MEIS2: variants seen among roughly 807,000 people sequenced by gnomAD.
MEIS2 encodes homeobox protein Meis2.
A neutral mutation model predicts 58.6 loss-of-function variants in MEIS2; 9 were observed. That is an observed-to-expected ratio of 0.15 (90% CI 0.09 to 0.27). The LOEUF is 0.27. Ranked by LOEUF, MEIS2 falls within the 10% of genes least tolerant of loss-of-function variation. The probability of loss-of-function intolerance (pLI) is 1.00; values close to 1 mark genes in which losing one functional copy is unlikely to be tolerated. For synonymous variants in MEIS2, 221 were observed against 228.4 expected, an observed-to-expected ratio of 0.97 and a Z score of 0.29; for missense variants, 427 against 635.0, an observed-to-expected ratio of 0.67 and a Z score of 3.52.
intron 7 of MEIS2, among the ~76,000 whole-genome samples, chr15:37,067,748 T>C (rs1358970516): frequency 6.6e-6 from 1 of 152,136 alleles, no homozygotes; most frequent in Admixed American, 6.6e-5. Flanking sequence ...TGTTTGTATG[T>C]CTGTGTTATA....
intron 8 of MEIS2, among the ~76,000 whole-genome samples, chr15:36,997,280 TG>T (rs1409070701): frequency 2.0e-5 from 3 of 152,156 alleles, no homozygotes; most frequent in African/African-American, 7.2e-5. Context: ...ACAAACACAC[TG>T]GGCTGACAAG....
intron 4 of MEIS2, 100 bp downstream of exon 4, chr15:37,095,464 G>C: frequency 3.2e-6 from 5 of 1,563,660 alleles, no homozygotes; most frequent in Non-Finnish European, 4.4e-6. Context: ...CTCCAAAAGA[G>C]GGTTCTGTTC....
intron 8 of MEIS2, among the ~76,000 whole-genome samples, chr15:36,995,689 G>T (rs554761751): frequency 1.5e-5 from 1 of 65,702 alleles, no homozygotes; most frequent in East Asian, 4.2e-4. Context: ...TCATCAGCTA[G>T]CTCAGTTTAC....
intron 6 of MEIS2, among the ~76,000 whole-genome samples, chr15:37,090,336 T>C (rs1893365627): frequency 6.6e-6 from 1 of 152,090 alleles, no homozygotes; most frequent in Non-Finnish European, 1.5e-5. Context: ...TAAGTGTTAA[T>C]AATAAATGAA....
intron 8 of MEIS2, among the ~76,000 whole-genome samples, chr15:37,012,643 T>C (rs1287507388): frequency 6.6e-6 from 1 of 152,186 alleles, no homozygotes; most frequent in East Asian, 1.9e-4. Context: ...TTACATATAT[T>C]TGTAATATCA....
chr15:36,979,692 T>G (rs908027489), intron 8 of MEIS2, among the ~76,000 whole-genome samples: 4 of 147,278 alleles, frequency 2.7e-5, no homozygotes, highest in Non-Finnish European at 6.0e-5. Flanking sequence ...TTATATATAA[T>G]ATATAAAAAT....
At chr15:37,049,511 G>A (rs1457822648) in intron 7 of MEIS2, among the ~76,000 whole-genome samples, 1 of 149,232 alleles carries the variant, frequency 6.7e-6, no homozygotes. Flanking sequence ...TTTGGAGACA[G>A]AGTCTCACTC....
intron 9 of MEIS2, among the ~76,000 whole-genome samples, chr15:36,936,397 A>T (rs1166528936): frequency 6.6e-6 from 1 of 152,054 alleles, no homozygotes; most frequent in East Asian, 1.9e-4. Flanking sequence ...GGGTTTCACC[A>T]TGGTAGCCAG....
intron 8 of MEIS2, among the ~76,000 whole-genome samples, chr15:37,031,831 G>C (rs981859494): frequency 6.7e-6 from 1 of 150,318 alleles, no homozygotes. Context: ...GTGTGTGTGT[G>C]TGTGTGTGTG....
chr15:36,988,700 C>G (rs2060172551), intron 8 of MEIS2, among the ~76,000 whole-genome samples: 1 of 152,156 alleles, frequency 6.6e-6, no homozygotes, highest in Non-Finnish European at 1.5e-5. Context: ...AAAACAATAA[C>G]CATCAACCAT....
At chr15:37,075,230 T>C (rs1487416103) in intron 7 of MEIS2, among the ~76,000 whole-genome samples, 8 of 152,076 alleles carry the variant, frequency 5.3e-5, no homozygotes, top group African/African-American at 1.7e-4. Flanking sequence ...CATAATGAAA[T>C]TGCATCTCCA....
chr15:37,043,797 C>G (rs1163927495), intron 7 of MEIS2, among the ~76,000 whole-genome samples: 2 of 151,264 alleles, frequency 1.3e-5, no homozygotes, highest in Non-Finnish European at 2.9e-5. Flanking sequence ...AAGCGATTCT[C>G]CTGCTTCAGC....
chr15:37,039,085 G>A (rs2062295437), intron 7 of MEIS2, among the ~76,000 whole-genome samples: 2 of 152,162 alleles, frequency 1.3e-5, no homozygotes, highest in Non-Finnish European at 2.9e-5. Context: ...CTGAGGTGCT[G>A]TTCTGTAGCC....
intron 9 of MEIS2, among the ~76,000 whole-genome samples, chr15:36,902,460 G>A (rs2056527934): frequency 6.6e-6 from 1 of 152,230 alleles, no homozygotes; most frequent in African/African-American, 2.4e-5. Context: ...CACACTCTCT[G>A]TATGGTTCTC....
At position 37,069,873 on chromosome 15, in the gene MEIS2, T is replaced by G. The variant is rs546037602; in HGVS notation, c.754+13898A>C. ...CCAGAAATTTCCCATGGGTGGACAG[T>G]ATATCCAGTCCATTGCTCACCACCT... is the stretch of plus-strand genomic sequence containing the variant. On this transcript the variant is annotated intron_variant, in intron 7 of 11. Transcript: ENST00000561208. 1.1e-4 allele frequency among the ~76,000 whole-genome samples: 17 copies of G among 152,190 alleles called. No individual in the cohort carries two copies. The South Asian group carries it at 3.3e-3, about 30-fold the overall frequency.
chr15:36,988,950 A>G (rs540575562), intron 8 of MEIS2, among the ~76,000 whole-genome samples: 3 of 152,346 alleles, frequency 2.0e-5, no homozygotes, highest in African/African-American at 7.2e-5. Context: ...TTAAGAAATG[A>G]AAAAAGGCTA....
chr15:36,967,297 A>G (rs1484021614), intron 8 of MEIS2, among the ~76,000 whole-genome samples: 1 of 152,118 alleles, frequency 6.6e-6, no homozygotes, highest in Admixed American at 6.6e-5. Context: ...CTTAAAAGTG[A>G]TTTTTTAAAA....
At chr15:37,094,422 T>C in intron 5 of MEIS2, 105 bp downstream of exon 5, 1 of 1,082,522 alleles carries the variant, frequency 9.2e-7, no homozygotes, top group Non-Finnish European at 1.4e-6. Flanking sequence ...GCTCAAAATC[T>C]CCAGGTGCTC....
chr15:36,954,864 C>T (rs562987503), intron 8 of MEIS2, among the ~76,000 whole-genome samples: 13 of 152,316 alleles, frequency 8.5e-5, no homozygotes, highest in African/African-American at 2.6e-4. Context: ...ATGACCACTT[C>T]CTTTTCTTTG....
Sources: gnomAD v4.1 joint callset for allele counts (sites outside exome capture counted in the v4.1 genomes callset) on GRCh38, gnomAD v4.1.1 for gene constraint, MANE v1.5 for transcripts, NCBI Gene and HGNC (gene_info 2026-07-23, HGNC 2026-07-21) for gene names.